Variants in LRP11 observed in about 807,000 individuals in gnomAD.
LRP11 encodes low-density lipoprotein receptor-related protein 11.
In LRP11, 25 loss-of-function variants were observed where a neutral mutation model predicts 43.1. The ratio of observed to expected loss-of-function variants is 0.58; its 90% confidence interval spans 0.42 to 0.81. The LOEUF (loss-of-function observed/expected upper bound fraction) is 0.81. LRP11 is among the 30% of genes least tolerant of loss of function. The probability of loss-of-function intolerance (pLI) is 0.00; values close to 1 mark genes in which losing one functional copy is unlikely to be tolerated. For missense variants in LRP11, 623 were observed against 665.1 expected, an observed-to-expected ratio of 0.94 and a Z score of 0.70; for synonymous variants, 316 against 299.4, an observed-to-expected ratio of 1.06 and a Z score of -0.57.
chr6:149,843,181 C>A, intron 2 of LRP11, 57 bp from the exon 3 acceptor site: 3 of 1,605,174 alleles, frequency 1.9e-6, no homozygotes, highest in South Asian at 1.1e-5. Flanking sequence ...CCGAGCCCAA[C>A]ACCATCCTCA....
intron 1 of LRP11, among the ~76,000 whole-genome samples, chr6:149,855,704 T>C (rs1776787884): frequency 7.1e-6 from 1 of 140,448 alleles, no homozygotes; most frequent in Admixed American, 6.6e-5. Flanking sequence ...TGCCTTTTTT[T>C]TTTTTTTTAA....
chr6:149,838,208 C>T (rs1400253262), intron 3 of LRP11, among the ~76,000 whole-genome samples: 3 of 151,870 alleles, frequency 2.0e-5, no homozygotes, highest in Non-Finnish European at 2.9e-5. Context: ...TGTTAGCCAC[C>T]GTGCCTGGCC....
intron 2 of LRP11, among the ~76,000 whole-genome samples, chr6:149,848,741 G>C (rs1004136781): frequency 6.6e-6 from 1 of 151,580 alleles, no homozygotes; most frequent in African/African-American, 2.4e-5. Flanking sequence ...GTGGAGGATG[G>C]AAGGAGGGAG....
Position 149,863,759 on chromosome 6 carries a change from C to A in LRP11, c.262G>T (p.Asp88Tyr). 1 of 1,478,208 alleles carries A rather than the reference C, an allele frequency of 6.8e-7. No individual in the cohort carries two copies. Among genetic ancestry groups the A allele is most frequent in the South Asian group, 1.3e-5 (1 of 78,384 alleles). 91.6% of individuals were successfully genotyped at this position (1,478,208 alleles called of 1,614,324 possible). ...CCGCCGCTGCCCGGGCCCGGGCAGT[C>A]CTCCTGGGGGCCGCCGCCCGCGCGC... ...ELRAGGGPQE[D>Y]CPGPGSGGYS... Residue 88 changes from aspartate to tyrosine, a missense_variant, in exon 1 of 7, where the codon GAC becomes TAC. Transcript: ENST00000239367.
At chr6:149,858,980 T>C (rs1217863910) in intron 1 of LRP11, among the ~76,000 whole-genome samples, 1 of 152,178 alleles carries the variant, frequency 6.6e-6, no homozygotes, top group African/African-American at 2.4e-5. Context: ...ATCAGTGAGC[T>C]AGAAGTGTAT....
rs1349909722 is a variant in LRP11 at position 149,863,902 on chromosome 6, G to A, written c.119C>T (p.Pro40Leu). ...CAGTTCGGACAGCGGCGCCGCGGGC[G>A]GCAAGGCCGCACGGCCGCTTGGCAG... ...LWLPSGRAAL[P>L]PAAPLSELHA... The change falls in exon 1 of 7, where the codon CCG (proline) becomes CTG (leucine). Residue 40 changes from proline (P) to leucine (L), a missense_variant. By Grantham distance (98) the Pro-to-Leu change is moderately conservative (BLOSUM62 -3). Coordinates refer to ENST00000239367, the MANE Select transcript of LRP11 (RefSeq NM_032832.6). 9.4e-6 allele frequency: 14 copies of A among 1,487,262 alleles called. No individual in the cohort carries two copies. The highest frequency in any genetic ancestry group is 2.5e-5 in the South Asian group (2 of 79,268). The allele number at this position is 1,487,262 out of a possible 1,614,324, so 92.1% of individuals were successfully genotyped here.
At chr6:149,860,471 A>G (rs1255619271) in intron 1 of LRP11, among the ~76,000 whole-genome samples, 1 of 148,280 alleles carries the variant, frequency 6.7e-6, no homozygotes, top group African/African-American at 2.5e-5. Context: ...CCCTCTAGTC[A>G]TGGGCATGAC....
At chr6:149,825,893 C>G (rs1776332576) in intron 6 of LRP11, among the ~76,000 whole-genome samples, 1 of 152,208 alleles carries the variant, frequency 6.6e-6, no homozygotes, top group Non-Finnish European at 1.5e-5. Flanking sequence ...AAGCGATCCT[C>G]CTGCCTTGGC....
chr6:149,824,587 A>C (rs1315033765), intron 6 of LRP11, among the ~76,000 whole-genome samples: 1 of 152,318 alleles, frequency 6.6e-6, no homozygotes, highest in East Asian at 1.9e-4. Flanking sequence ...GGCTGGGCAC[A>C]GTGGTTCACA....
In LRP11 at chr6:149,848,142, G is replaced by A. The variant is rs528754364; in HGVS notation, c.771+4861C>T. Among the ~76,000 whole-genome samples, 5 of 151,936 alleles carry A rather than the reference G, an allele frequency of 3.3e-5. No individual in the cohort carries two copies. The South Asian group carries it at 1.0e-3, about 32-fold the overall frequency. ...TTGGAGATACGTGCTCATGAATGAG[G>A]TTAGTGCCCTTATAAAAGAGGTCCC... On this transcript the variant is annotated intron_variant, in intron 2 of 6. Coordinates refer to ENST00000239367, the MANE Select transcript of LRP11 (RefSeq NM_032832.6).
chr6:149,821,355 T>A (rs1776276188), intron 6 of LRP11, among the ~76,000 whole-genome samples: 1 of 152,192 alleles, frequency 6.6e-6, no homozygotes, highest in Non-Finnish European at 1.5e-5. Flanking sequence ...ATCACGAAAT[T>A]TTTTTGTTGT....
chr6:149,856,921 C>G (rs888376297), intron 1 of LRP11, among the ~76,000 whole-genome samples: 1 of 152,028 alleles, frequency 6.6e-6, no homozygotes, highest in Non-Finnish European at 1.5e-5. Flanking sequence ...CAGATACATG[C>G]GGTCAAAATC....
intron 1 of LRP11, among the ~76,000 whole-genome samples, chr6:149,859,939 G>C (rs2115423999): frequency 6.6e-6 from 1 of 152,104 alleles, no homozygotes. Flanking sequence ...AATCCATCTG[G>C]AATTTGTGTA....
chr6:149,851,601 C>T (rs1776720365), intron 2 of LRP11, among the ~76,000 whole-genome samples: 1 of 152,166 alleles, frequency 6.6e-6, no homozygotes, highest in Non-Finnish European at 1.5e-5. Flanking sequence ...CACCAATGCA[C>T]AGAAGTAAGG....
intron 2 of LRP11, 50 bp from the exon 3 acceptor site, chr6:149,843,174 A>G (rs1249558634): frequency 6.2e-7 from 1 of 1,610,162 alleles, no homozygotes. Flanking sequence ...TTGAGCTCCG[A>G]GCCCAACACC....
intron 5 of LRP11, among the ~76,000 whole-genome samples, chr6:149,831,575 C>T (rs191509697): frequency 5.3e-5 from 8 of 152,354 alleles, no homozygotes; most frequent in South Asian, 4.1e-4. Flanking sequence ...AGCATGCATT[C>T]GCTGGTGTAA....
intron 1 of LRP11, among the ~76,000 whole-genome samples, chr6:149,859,434 C>T (rs1280292526): frequency 5.3e-5 from 5 of 94,994 alleles, no homozygotes; most frequent in South Asian, 7.2e-4. Flanking sequence ...CTTGCTCTGT[C>T]GCCCAGGCTG....
At chr6:149,830,709 A>G (rs1230071629) in intron 5 of LRP11, among the ~76,000 whole-genome samples, 1 of 152,218 alleles carries the variant, frequency 6.6e-6, no homozygotes, top group Non-Finnish European at 1.5e-5. Flanking sequence ...TCTTTCTTTA[A>G]GAAAAATTTT....
intron 2 of LRP11, among the ~76,000 whole-genome samples, chr6:149,844,759 T>C (rs1410536221): frequency 6.6e-6 from 1 of 152,194 alleles, no homozygotes; most frequent in East Asian, 1.9e-4. Context: ...TCTGCTTGTT[T>C]TTAATTAGGA....
Sources: gnomAD v4.1 joint callset for allele counts (sites outside exome capture counted in the v4.1 genomes callset) on GRCh38, gnomAD v4.1.1 for gene constraint, MANE v1.5 for transcripts, NCBI Gene and HGNC (gene_info 2026-07-23, HGNC 2026-07-21) for gene names.